The following DPP6 variants were observed in gnomAD, a reference collection of about 807,000 sequenced individuals.
DPP6 encodes A-type potassium channel modulatory protein DPP6.
In DPP6, 69 loss-of-function variants were observed where a neutral mutation model predicts 122.6. The observed-to-expected ratio is 0.56, with a 90% CI of 0.46 to 0.69. The LOEUF (loss-of-function observed/expected upper bound fraction) is 0.69. DPP6 is among the 30% of genes least tolerant of loss of function. The pLI is 0.00. For synonymous variants in DPP6, 418 were observed against 433.1 expected, an observed-to-expected ratio of 0.97 and a Z score of 0.43; for missense variants, 928 against 1,116.9, an observed-to-expected ratio of 0.83 and a Z score of 2.41.
intron 1 of DPP6, among the ~76,000 whole-genome samples, chr7:154,108,075 G>C (rs991994819): frequency 6.6e-6 from 1 of 152,186 alleles, no homozygotes; most frequent in Non-Finnish European, 1.5e-5. Context: ...ATATAAAGGG[G>C]CACCTTGTCC....
At chr7:154,210,836 G>GAA (rs34596484) in intron 1 of DPP6, among the ~76,000 whole-genome samples, 85,636 of 149,772 alleles carry the variant, frequency 0.57, 28,227 homozygotes, top group Non-Finnish European at 0.73. Flanking sequence ...GTGCAAAAAG[G>GAA]AAAAAAAAAG....
At chr7:154,230,092 G>A (rs1335130397) in intron 1 of DPP6, among the ~76,000 whole-genome samples, 1 of 152,098 alleles carries the variant, frequency 6.6e-6, no homozygotes, top group Non-Finnish European at 1.5e-5. Context: ...CACCTGAGAA[G>A]CAGCTACATT....
At chr7:154,276,254 A>T (rs1804121265) in intron 1 of DPP6, among the ~76,000 whole-genome samples, 1 of 152,188 alleles carries the variant, frequency 6.6e-6, no homozygotes, top group Non-Finnish European at 1.5e-5. Flanking sequence ...TGAATTGCTA[A>T]CTGATTTTTC....
At chr7:154,839,993 C>T (rs1212839949) in intron 16 of DPP6, among the ~76,000 whole-genome samples, 1 of 152,090 alleles carries the variant, frequency 6.6e-6, no homozygotes, top group Non-Finnish European at 1.5e-5. Context: ...TTAGCAGGCA[C>T]AGTGAGAGGA....
intron 1 of DPP6, among the ~76,000 whole-genome samples, chr7:154,109,176 A>ATAAT (rs1806379317): frequency 1.3e-5 from 2 of 152,304 alleles, no homozygotes; most frequent in African/African-American, 4.8e-5. Flanking sequence ...TGCAATTGAA[A>ATAAT]TAATTTTTAA....
chr7:154,772,028 G>A (rs1796277763), intron 9 of DPP6, among the ~76,000 whole-genome samples: 1 of 152,160 alleles, frequency 6.6e-6, no homozygotes, highest in Admixed American at 6.5e-5. Context: ...CCCAGTCTAG[G>A]AGTGATAACC....
chr7:154,173,512 A>G (rs1797641687), intron 1 of DPP6, among the ~76,000 whole-genome samples: 1 of 151,382 alleles, frequency 6.6e-6, no homozygotes, highest in South Asian at 2.1e-4. Flanking sequence ...ATCTCTCTCC[A>G]CTGCCTGGAC....
At chr7:154,868,995 G>A (rs1804132743) in intron 18 of DPP6, among the ~76,000 whole-genome samples, 1 of 152,158 alleles carries the variant, frequency 6.6e-6, no homozygotes, top group Non-Finnish European at 1.5e-5. Flanking sequence ...CACCTCTGAG[G>A]CTGTAAACGG....
chr7:154,137,659 G>GGGGGT (rs1795636580), intron 1 of DPP6, among the ~76,000 whole-genome samples: 1 of 6,888 alleles, frequency 1.5e-4, no homozygotes, highest in Non-Finnish European at 3.0e-4. Flanking sequence ...GTGGGGGGGT[G>GGGGGT]GGGGGGGTGG....
At position 154,481,463 on chromosome 7, in the gene DPP6, C is replaced by T. The variant is rs1483420438; in HGVS notation, c.457+6426C>T. Among the ~76,000 whole-genome samples, 2 of 151,730 alleles carry T rather than the reference C, an allele frequency of 1.3e-5. No individual in the cohort carries two copies. Among genetic ancestry groups the T allele is most frequent in the Non-Finnish European group, 2.9e-5 (2 of 67,966 alleles). On this transcript the variant is annotated intron_variant, in intron 3 of 25. Coordinates refer to ENST00000377770, the MANE Select transcript of DPP6 (RefSeq NM_130797.4). The surrounding 1 kb of genome is among the most constrained non-coding windows in gnomAD (Gnocchi z 4.2). ...CCTCACATCCTCATGCCCAGCACTA[C>T]ATCATCCTCCCCCAACCTCTTCACA...
Position 154,602,448 on chromosome 7 carries a change from C to T in DPP6, c.628-35373C>T, listed in dbSNP as rs776523199. Among the ~76,000 whole-genome samples, 16 of 121,064 alleles carry T rather than the reference C, an allele frequency of 1.3e-4. 7 individuals carry two copies. Among genetic ancestry groups the T allele is most frequent in the Non-Finnish European group, 2.8e-4 (15 of 53,768 alleles). 79.4% of individuals were successfully genotyped at this position (121,064 alleles called of 152,430 possible). A position where few individuals can be genotyped will look rare whatever the true frequency, so the allele number is the denominator to read the frequency against. ...TTTGTTTTGTTTTGAGATGGAGTCT[C>T]GTTCTGTTGCCCAGGCTAGAGTGCA... is the stretch of plus-strand genomic sequence containing the variant. On this transcript the variant is annotated intron_variant, in intron 5 of 25. Transcript: ENST00000377770.
intron 1 of DPP6, among the ~76,000 whole-genome samples, chr7:154,245,635 C>CAATAAAAAAA (rs1801932036): frequency 9.9e-6 from 1 of 100,668 alleles, no homozygotes; most frequent in Non-Finnish European, 2.0e-5. Context: ...AAGACTGTCT[C>CAATAAAAAAA]AAAAAAAAAA....
chr7:154,289,995 T>C (rs935668680), intron 1 of DPP6, among the ~76,000 whole-genome samples: 10 of 152,164 alleles, frequency 6.6e-5, no homozygotes, highest in African/African-American at 2.4e-4. Context: ...TGGGCGAGGA[T>C]GTTGAAAAAT....
intron 1 of DPP6, among the ~76,000 whole-genome samples, chr7:154,197,435 A>G (rs971097136): frequency 2.0e-5 from 3 of 152,068 alleles, no homozygotes; most frequent in Non-Finnish European, 4.4e-5. Flanking sequence ...TGCAGACACT[A>G]AAGAGATGAC....
At chr7:154,742,927 A>T (rs1179160902) in intron 8 of DPP6, among the ~76,000 whole-genome samples, 2 of 151,746 alleles carry the variant, frequency 1.3e-5, no homozygotes, top group Non-Finnish European at 3.0e-5. Flanking sequence ...AATGTTTAGC[A>T]AGCCAGAAAT....
the DPP6 span, among the ~76,000 whole-genome samples, chr7:153,834,939 AT>A: frequency 6.6e-6 from 1 of 152,232 alleles, no homozygotes; most frequent in Non-Finnish European, 1.5e-5. Flanking sequence ...CAGCAACTCA[AT>A]ACAGTGCAAG....
chr7:153,789,217 TATAAC>T, the DPP6 span, among the ~76,000 whole-genome samples: 1 of 152,184 alleles, frequency 6.6e-6, no homozygotes. Context: ...TTGTAAATGT[TATAAC>T]ATAAAATTTG....
In DPP6 at chr7:154,637,885, C is replaced by A. The variant is rs539225240; in HGVS notation, c.680+12C>A. ...AAAATTCCTCATGGGTAAGAGTGTT[C>A]TTTTCTTTCTTTTAATTAGAAATAT... On this transcript the variant is annotated intron_variant, in intron 6 of 25. Coordinates refer to ENST00000377770, the MANE Select transcript of DPP6 (RefSeq NM_130797.4). 1.9e-5 allele frequency: 29 copies of A among 1,561,090 alleles called. No individual in the cohort carries two copies. Among genetic ancestry groups the A allele is most frequent in the Non-Finnish European group, 2.4e-5 (28 of 1,151,078 alleles).
the DPP6 span, among the ~76,000 whole-genome samples, chr7:153,846,147 C>T: frequency 6.6e-5 from 10 of 152,204 alleles, no homozygotes. Flanking sequence ...TCTTCGTCAA[C>T]ATTTGGTGTT....
Sources: allele counts gnomAD v4.1 joint callset (sites outside exome capture counted in the v4.1 genomes callset), GRCh38; gene constraint gnomAD v4.1.1; non-coding constraint Gnocchi (gnomAD v3.1); transcripts MANE v1.5; gene names NCBI Gene and HGNC (gene_info 2026-07-23, HGNC 2026-07-21).